Variants in PDE4D observed in about 807,000 individuals in gnomAD.
PDE4D encodes 3',5'-cyclic-AMP phosphodiesterase 4D.
In PDE4D, 24 loss-of-function variants were observed where a neutral mutation model predicts 87.4. The ratio of observed to expected loss-of-function variants is 0.27; its 90% CI spans 0.20 to 0.39. PDE4D has a LOEUF of 0.39. Ranked by LOEUF, PDE4D falls within the 10% of genes least tolerant of loss-of-function variation. PDE4D has a pLI of 1.00. For missense variants in PDE4D, 714 were observed against 1,041.0 expected (o/e 0.69, Z 4.32); for synonymous variants, 384 against 383.2 (o/e 1.00, Z -0.02).
intron 6 of PDE4D, among the ~76,000 whole-genome samples, chr5:59,007,384 T>G (rs1751836676): frequency 6.6e-6 from 1 of 152,160 alleles, no homozygotes; most frequent in Admixed American, 6.5e-5. Context: ...TAAATGTCCC[T>G]TGAAGAATTC....
At chr5:60,298,263 A>G (rs770476147) in intron 1 of PDE4D, among the ~76,000 whole-genome samples, 5 of 152,212 alleles carry the variant, frequency 3.3e-5, no homozygotes, top group Non-Finnish European at 5.9e-5. Flanking sequence ...GACTAACTGC[A>G]TACCATTCAA....
chr5:59,201,859 G>A (rs575127845), intron 2 of PDE4D, among the ~76,000 whole-genome samples: 33 of 152,148 alleles, frequency 2.2e-4, no homozygotes, highest in Non-Finnish European at 4.6e-4. Context: ...AATTTGGCAA[G>A]AATGTCCAGC....
At chr5:59,599,236 CT>C (rs11409094) in intron 1 of PDE4D, among the ~76,000 whole-genome samples, 39 of 142,214 alleles carry the variant, frequency 2.7e-4, no homozygotes, top group Admixed American at 4.2e-4. Flanking sequence ...TTTGCTTTTT[CT>C]TTTTTTTTTT....
chr5:59,178,986 G>A (rs1740827404), intron 5 of PDE4D, among the ~76,000 whole-genome samples: 1 of 151,980 alleles, frequency 6.6e-6, no homozygotes, highest in African/African-American at 2.4e-5. Context: ...AGAAACAGAG[G>A]GATCCGGTTC....
intron 1 of PDE4D, among the ~76,000 whole-genome samples, chr5:60,291,206 A>G (rs1310402633): frequency 6.6e-6 from 1 of 152,234 alleles, no homozygotes; most frequent in Non-Finnish European, 1.5e-5. Flanking sequence ...AATCTTGGAC[A>G]TTTTCAGGAA....
At chr5:60,436,520 T>G (rs990834803) in intron 1 of PDE4D, among the ~76,000 whole-genome samples, 3 of 152,106 alleles carry the variant, frequency 2.0e-5, no homozygotes, top group Admixed American at 1.3e-4. Flanking sequence ...AAACAACTCA[T>G]GATGTGTTCC....
intron 1 of PDE4D, among the ~76,000 whole-genome samples, chr5:59,407,295 T>C (rs1440756395): frequency 6.6e-6 from 1 of 152,182 alleles, no homozygotes; most frequent in Non-Finnish European, 1.5e-5. Context: ...GCTTCCACCA[T>C]GATTGAAAGC....
intron 1 of PDE4D, among the ~76,000 whole-genome samples, chr5:59,442,572 G>A (rs774060233): frequency 6.6e-6 from 1 of 152,152 alleles, no homozygotes; most frequent in Non-Finnish European, 1.5e-5. Context: ...TTGCCTGGAG[G>A]TAAGAAGACA....
chr5:59,452,920 A>G (rs898651689), intron 1 of PDE4D, among the ~76,000 whole-genome samples: 1 of 146,462 alleles, frequency 6.8e-6, no homozygotes, highest in African/African-American at 2.5e-5. Context: ...ATCTCATTTT[A>G]TTGTGCTTTG....
At chr5:59,802,615 T>A (rs901861700) in intron 1 of PDE4D, among the ~76,000 whole-genome samples, 1 of 152,058 alleles carries the variant, frequency 6.6e-6, no homozygotes, top group Non-Finnish European at 1.5e-5. Context: ...GCCAGGATGG[T>A]CTCGATCTCC....
In PDE4D at chr5:60,233,850, T is replaced by C. The variant is rs114772355; in HGVS notation, c.-89-48163A>G. On this transcript the variant is annotated intron_variant, in intron 1 of 16. Transcript: ENST00000502484. The stretch of plus-strand genomic sequence containing the variant: ...AGAAAGCTGTAAGTTCCCACAACTG[T>C]TATGGTGAGGTTGACCTTAGGCACT... Among the ~76,000 whole-genome samples, 1,075 of 151,892 alleles carry C rather than the reference T, an allele frequency of 7.1e-3. 11 individuals are homozygous for C. Among genetic ancestry groups the C allele is most frequent in the African/African-American group, 0.025 (1,021 of 41,534 alleles).
At chr5:59,794,472 G>C (rs1463734926) in intron 1 of PDE4D, among the ~76,000 whole-genome samples, 1 of 151,996 alleles carries the variant, frequency 6.6e-6, no homozygotes, top group African/African-American at 2.4e-5. Context: ...TGCGAGGGCT[G>C]CCTCCCTCCT....
intron 3 of PDE4D, among the ~76,000 whole-genome samples, chr5:59,952,054 A>C (rs7379147): frequency 0.38 from 57,205 of 151,996 alleles, 12,296 homozygotes; most frequent in East Asian, 0.73. Flanking sequence ...AAGTAACTGG[A>C]TCATGGGGGC....
intron 1 of PDE4D, among the ~76,000 whole-genome samples, chr5:59,601,687 CT>C (rs1354656697): frequency 1.3e-5 from 2 of 151,966 alleles, no homozygotes; most frequent in African/African-American, 2.4e-5. Flanking sequence ...TTACTTTAAC[CT>C]TCTTATCATT....
intron 1 of PDE4D, among the ~76,000 whole-genome samples, chr5:60,211,622 A>AT (rs1374342840): frequency 6.6e-6 from 1 of 150,732 alleles, no homozygotes; most frequent in African/African-American, 2.4e-5. Flanking sequence ...ATTTTTATAT[A>AT]TTTTTTCTCA....
At chr5:60,378,273 T>C (rs1422104766) in intron 1 of PDE4D, among the ~76,000 whole-genome samples, 6 of 152,164 alleles carry the variant, frequency 3.9e-5, no homozygotes, top group Admixed American at 3.9e-4. Context: ...TTGATCAAAC[T>C]TCATCTTCTC....
intron 1 of PDE4D, among the ~76,000 whole-genome samples, chr5:60,414,061 A>G (rs908162386): frequency 2.6e-5 from 4 of 152,164 alleles, no homozygotes; most frequent in African/African-American, 9.7e-5. Flanking sequence ...AGGTAAGCAG[A>G]AGGGGTCATG....
At chr5:59,475,567 CAG>C (rs1311799268) in intron 1 of PDE4D, among the ~76,000 whole-genome samples, 1 of 152,042 alleles carries the variant, frequency 6.6e-6, no homozygotes, top group Non-Finnish European at 1.5e-5. Flanking sequence ...AGAAATTAAT[CAG>C]AGTTAACTTT....
intron 2 of PDE4D, among the ~76,000 whole-genome samples, chr5:60,159,103 T>C (rs1048366459): frequency 1.3e-5 from 2 of 152,198 alleles, no homozygotes; most frequent in African/African-American, 2.4e-5. Context: ...AACTTTTTTG[T>C]TAAAAACTAA....
Sources: allele counts gnomAD v4.1 joint callset (sites outside exome capture counted in the v4.1 genomes callset), GRCh38; gene constraint gnomAD v4.1.1; transcripts MANE v1.5; gene names NCBI Gene and HGNC (gene_info 2026-07-23, HGNC 2026-07-21).